Variants in LAMB4 observed in about 807,000 individuals in gnomAD.
The protein encoded by LAMB4 is laminin subunit beta-4.
Under a neutral mutation model 199.2 loss-of-function variants are expected in LAMB4, and 196 were observed. That is an observed-to-expected ratio of 0.98 (90% CI 0.88 to 1.11). LAMB4 has a LOEUF of 1.11. Among genes scored for constraint, LAMB4 ranks in the 50% least tolerant of loss-of-function variants. LAMB4 has a pLI of 0.00. For synonymous variants in LAMB4, 744 were observed against 770.6 expected, an observed-to-expected ratio of 0.97 and a Z score of 0.57; for missense variants, 2,080 against 2,171.2, an observed-to-expected ratio of 0.96 and a Z score of 0.83.
intron 7 of LAMB4, among the ~76,000 whole-genome samples, chr7:108,106,287 G>A (rs180959397): frequency 4.6e-5 from 7 of 151,990 alleles, no homozygotes; most frequent in East Asian, 3.9e-4. Flanking sequence ...GCAGGGTGGC[G>A]CATGCCTGTA....
chr7:108,113,112 C>G (rs1426455794), intron 3 of LAMB4, among the ~76,000 whole-genome samples: 1 of 152,204 alleles, frequency 6.6e-6, no homozygotes, highest in South Asian at 2.1e-4. Context: ...TTCAAAGAGC[C>G]TTTCCCTGAC....
In LAMB4 at chr7:108,062,781, C is replaced by A; in HGVS notation, c.3275G>T (p.Cys1092Phe). 1.4e-6 allele frequency: 2 copies of A among 1,429,642 alleles called. No homozygotes were observed. Among genetic ancestry groups the A allele is most frequent in the Non-Finnish European group, 1.8e-6 (2 of 1,084,996 alleles). The allele number at this position is 1,429,642 out of a possible 1,614,324, so 88.6% of individuals were successfully genotyped here. A position where few individuals can be genotyped will look rare whatever the true frequency, so the allele number is the denominator to read the frequency against. ...AGCTTTAAAGTATCTTGCCTGGTCACAGTGGCTACTTTGAGAGGTCCTAGG... is the reference window on the plus strand; with the variant it reads ...AGCTTTAAAGTATCTTGCCTGGTCAAAGTGGCTACTTTGAGAGGTCCTAGG... Reference protein sequence around the residue: ...CDPRTSQSSHCDQLTGQCPCK... With the variant: ...CDPRTSQSSHFDQLTGQCPCK... The change falls in exon 23 of 34, where the codon TGT becomes TTT. Residue 1092 changes from cysteine to phenylalanine, a missense_variant. Physicochemically the swap from Cys to Phe is radical, Grantham distance 205. Transcript: ENST00000388781.
At chr7:108,111,723 C>T (rs1022470858) in intron 4 of LAMB4, 88 bp downstream of exon 4, 1 of 1,155,630 alleles carries the variant, frequency 8.7e-7, no homozygotes, top group Non-Finnish European at 1.3e-6. Flanking sequence ...TAATACTTTG[C>T]TGTGACATTA....
intron 23 of LAMB4, 197 bp downstream of exon 23, chr7:108,062,577 T>C (rs2036199905): frequency 2.7e-6 from 1 of 376,670 alleles, no homozygotes; most frequent in African/African-American, 2.1e-5. Context: ...TAGGCGAAGC[T>C]GAACTTTGAG....
chr7:108,035,604 C>CAAAAAAAAAAA (rs34425857), intron 30 of LAMB4, among the ~76,000 whole-genome samples: 42 of 79,882 alleles, frequency 5.3e-4, no homozygotes, highest in African/African-American at 8.8e-4. Flanking sequence ...TAGAGAGTAC[C>CAAAAAAAAAAA]AAAAAAAAAA....
At chr7:108,085,558 G>C (rs2037138521) in intron 14 of LAMB4, among the ~76,000 whole-genome samples, 1 of 151,962 alleles carries the variant, frequency 6.6e-6, no homozygotes, top group Non-Finnish European at 1.5e-5. Context: ...ATGGCCCTTT[G>C]TTTCCTTCTG....
At chr7:108,119,509 G>GA (rs2038525485) in intron 2 of LAMB4, among the ~76,000 whole-genome samples, 1 of 152,088 alleles carries the variant, frequency 6.6e-6, no homozygotes, top group Non-Finnish European at 1.5e-5. Context: ...TGTGCGGAGT[G>GA]AAAAAAGGTT....
At chr7:108,084,757 C>T (rs916046965) in intron 14 of LAMB4, among the ~76,000 whole-genome samples, 1 of 149,224 alleles carries the variant, frequency 6.7e-6, no homozygotes, top group African/African-American at 2.5e-5. Context: ...GAAAGGCATT[C>T]CAAGAAACAT....
chr7:108,120,193 A>C (rs1041992156), intron 2 of LAMB4, among the ~76,000 whole-genome samples: 7 of 152,214 alleles, frequency 4.6e-5, no homozygotes, highest in Non-Finnish European at 1.0e-4. Context: ...TCCATTTAAA[A>C]AATATAATAA....
Position 108,130,346 on chromosome 7 carries a change from C to T in LAMB4, c.-74G>A, listed in dbSNP as rs764028934. On this transcript the variant is annotated 5_prime_UTR_variant, in exon 1 of 34. Coordinates refer to ENST00000388781, the MANE Select transcript of LAMB4 (RefSeq NM_007356.3). ...TTTGTGGAGAGGTTCAGGCAGCAAACGGGGCATGTGAAGACACACCTGAAA... is the reference window on the plus strand; with the variant it reads ...TTTGTGGAGAGGTTCAGGCAGCAAATGGGGCATGTGAAGACACACCTGAAA... 1 of 151,942 alleles carries T rather than the reference C, an allele frequency of 6.6e-6. No homozygotes were observed. The highest frequency in any genetic ancestry group is 1.5e-5 in the Non-Finnish European group (1 of 68,000). 9.4% of individuals were successfully genotyped at this position (151,942 alleles called of 1,614,324 possible). A position where few individuals can be genotyped will look rare whatever the true frequency, so the allele number is the denominator to read the frequency against.
the LAMB4 span, among the ~76,000 whole-genome samples, chr7:108,017,930 T>A: frequency 6.6e-6 from 1 of 152,224 alleles, no homozygotes; most frequent in Admixed American, 6.5e-5. Context: ...AATGAGGACA[T>A]GAAATTCAGG....
chr7:108,062,211 T>G (rs2036187061), intron 23 of LAMB4, among the ~76,000 whole-genome samples: 1 of 152,238 alleles, frequency 6.6e-6, no homozygotes, highest in Non-Finnish European at 1.5e-5. Flanking sequence ...AAATCACACG[T>G]GCATCTATCT....
chr7:108,031,010 A>G (rs373048730), intron 31 of LAMB4, 31 bp from the exon 32 acceptor site: 9 of 1,594,918 alleles, frequency 5.6e-6, no homozygotes, highest in Non-Finnish European at 6.9e-6. Flanking sequence ...AAAAAGGGAA[A>G]ATCTCTTTAT....
rs57675332 is a variant in LAMB4 at position 108,040,441 on chromosome 7, C to T, written c.4472-2846G>A. Among the ~76,000 whole-genome samples the T allele has an allele frequency of 5.1e-3, 783 of 152,206 alleles. 2 individuals are homozygous for T. The highest frequency in any genetic ancestry group is 0.018 in the African/African-American group (747 of 41,524). On this transcript the variant is annotated intron_variant, in intron 29 of 33. Coordinates refer to ENST00000388781, the MANE Select transcript of LAMB4 (RefSeq NM_007356.3). ...GTTCATATGGAACAAAAAAACAGCCCGACTAGCCAAGGCAATCCTAAGCAA... is the reference window on the plus strand; with the variant it reads ...GTTCATATGGAACAAAAAAACAGCCTGACTAGCCAAGGCAATCCTAAGCAA...
chr7:108,128,069 C>T (rs756889616), intron 1 of LAMB4, among the ~76,000 whole-genome samples: 4 of 152,012 alleles, frequency 2.6e-5, no homozygotes, highest in Non-Finnish European at 4.4e-5. Context: ...GGAACACGGT[C>T]GATACAGGGG....
At chr7:108,128,749 GTT>G (rs1240215505) in intron 1 of LAMB4, among the ~76,000 whole-genome samples, 7 of 152,188 alleles carry the variant, frequency 4.6e-5, no homozygotes, top group Non-Finnish European at 4.4e-5. Flanking sequence ...CAAACTATAA[GTT>G]TAATTGGTAC....
intron 2 of LAMB4, among the ~76,000 whole-genome samples, chr7:108,116,845 C>T (rs749738855): frequency 2.6e-5 from 4 of 152,132 alleles, no homozygotes; most frequent in Non-Finnish European, 5.9e-5. Context: ...CCAGCTTCTT[C>T]AATATAGTGA....
At chr7:108,060,951 A>T (rs578223085) in intron 23 of LAMB4, among the ~76,000 whole-genome samples, 1 of 152,330 alleles carries the variant, frequency 6.6e-6, no homozygotes, top group Non-Finnish European at 1.5e-5. Context: ...ACTTGATGAT[A>T]TAACAGTCTG....
At chr7:108,014,321 G>A in the LAMB4 span, among the ~76,000 whole-genome samples, 9 of 152,200 alleles carry the variant, frequency 5.9e-5, no homozygotes, top group Non-Finnish European at 8.8e-5. Context: ...ACTAGAGTTC[G>A]TTTGAGTTGA....
Sources: gnomAD v4.1 joint callset for allele counts (sites outside exome capture counted in the v4.1 genomes callset) on GRCh38, gnomAD v4.1.1 for gene constraint, MANE v1.5 for transcripts, NCBI Gene and HGNC (gene_info 2026-07-23, HGNC 2026-07-21) for gene names.